The following PITPNM3 variants were observed in gnomAD, a reference collection of about 807,000 sequenced individuals.
PITPNM3 encodes the protein PITPNM family member 3, also known as membrane-associated phosphatidylinositol transfer protein 3.
A neutral mutation model predicts 102.0 loss-of-function variants in PITPNM3; 26 were observed. The ratio of observed to expected loss-of-function variants is 0.25; its 90% CI spans 0.19 to 0.35. PITPNM3 has a LOEUF of 0.35. Ranked by LOEUF, PITPNM3 falls within the 10% of genes least tolerant of loss-of-function variation. PITPNM3 has a pLI of 1.00. For missense variants in PITPNM3, 1,083 were observed against 1,346.1 expected (o/e 0.80, Z 3.06); for synonymous variants, 578 against 558.6 (o/e 1.03, Z -0.49).
At chr17:6,506,695 T>A (rs558177749) in intron 3 of PITPNM3, among the ~76,000 whole-genome samples, 30 of 152,160 alleles carry the variant, frequency 2.0e-4, no homozygotes, top group Non-Finnish European at 4.0e-4. Context: ...CTACTGTATT[T>A]CCTCATGCCC....
intron 4 of PITPNM3, among the ~76,000 whole-genome samples, chr17:6,498,353 G>C (rs1446982781): frequency 1.3e-5 from 2 of 152,242 alleles, no homozygotes; most frequent in Admixed American, 1.3e-4. Context: ...CTAGCCTGGG[G>C]AAACGGGAGA....
intron 2 of PITPNM3, among the ~76,000 whole-genome samples, chr17:6,533,202 T>C (rs1252641348): frequency 1.3e-5 from 2 of 152,080 alleles, no homozygotes; most frequent in Admixed American, 1.3e-4. Context: ...CCTCAGGTGA[T>C]CCACCCGCCT....
chr17:6,459,942 CCCT>C lies in PITPNM3; in HGVS notation c.2490+1428_2490+1430del, dbSNP rs1904366066. Among the ~76,000 whole-genome samples the C allele has an allele frequency of 6.6e-6, 1 of 152,092 alleles. No individual in the cohort carries two copies. Among genetic ancestry groups the C allele is most frequent in the African/African-American group, 2.4e-5 (1 of 41,424 alleles). On this transcript the variant is annotated intron_variant, in intron 18 of 19. Transcript: ENST00000262483. This position sits in a 1 kb window ranked among gnomAD's most constrained non-coding sequence, Gnocchi z 5.0. The stretch of plus-strand genomic sequence containing the variant: ...CCTGTCTTTTGCTTGGGCAACAGCC[CCCT>C]AACTGGCCTCCCTGCCTCCAGTTTC...
rs745364009 is a variant in PITPNM3, at chr17:6,461,523, G to A, written c.2340C>T (p.Tyr780=). Residue 780 remains tyrosine (Y), a synonymous_variant, in exon 18 of 20, where the codon TAC becomes TAT. Coordinates refer to ENST00000262483, the MANE Select transcript of PITPNM3 (RefSeq NM_031220.4). ...HWQDLGYMIL[Y]ITGRPDMQKQ... is the part of the protein sequence containing the mutation. ...TCTGCATGTCCGGCCGTCCCGTGAT[G>A]TAAAGGATCATGTAGCCCAAGTCCT... 3.1e-6 allele frequency: 5 copies of A among 1,614,248 alleles called. No homozygotes were observed. Among genetic ancestry groups the A allele is most frequent in the Middle Eastern group, 1.7e-4 (1 of 6,060 alleles).
At chr17:6,474,806 G>C (rs1214515658) in intron 9 of PITPNM3, among the ~76,000 whole-genome samples, 2 of 152,228 alleles carry the variant, frequency 1.3e-5, no homozygotes, top group African/African-American at 4.8e-5. Context: ...GGCTAGAAAA[G>C]GAATCAACAA....
At chr17:6,461,284 C>A in intron 18 of PITPNM3, 89 bp downstream of exon 18, 1 of 1,470,736 alleles carries the variant, frequency 6.8e-7, no homozygotes, top group South Asian at 1.1e-5. Context: ...CATCACAAGG[C>A]CCCACCCGGG....
At chr17:6,543,165 G>C (rs1178598924) in intron 1 of PITPNM3, among the ~76,000 whole-genome samples, 1 of 152,206 alleles carries the variant, frequency 6.6e-6, no homozygotes, top group Non-Finnish European at 1.5e-5. Context: ...CTCAGTGGGA[G>C]GGGCTGCTGG....
chr17:6,455,363 G>T lies in PITPNM3; in HGVS notation c.2900C>A (p.Pro967His). 6.3e-7 allele frequency: 1 copy of T among 1,583,728 alleles called. No homozygotes were observed. The highest frequency in any genetic ancestry group is 1.3e-5 in the African/African-American group (1 of 74,156). ...PLPALSWARG[P>H]PKFESVP ...TCAGGGCACCGACTCGAACTTGGGG[G>T]GCCCACGCGCCCAGCTGAGCGCCGG... The change falls in exon 20 of 20, where the codon CCC becomes CAC. Residue 967 changes from proline (P) to histidine (H), a missense_variant. This residue lies in a region of PITPNM3 where 208 missense variants were observed against 178.2 expected (regional missense o/e 1.17). Coordinates refer to ENST00000262483, the MANE Select transcript of PITPNM3 (RefSeq NM_031220.4).
rs757064850 is a variant in PITPNM3, at chr17:6,472,632, C to G, written c.1429+25G>C. 6.2e-7 allele frequency: 1 copy of G among 1,606,756 alleles called. No homozygotes were observed. The highest frequency in any genetic ancestry group is 1.1e-5 in the South Asian group (1 of 89,874). On this transcript the variant is annotated intron_variant, in intron 11 of 19. Coordinates refer to ENST00000262483, the MANE Select transcript of PITPNM3 (RefSeq NM_031220.4). The surrounding 1 kb of genome is among the most constrained non-coding windows in gnomAD (Gnocchi z 4.1). ...GGGGCCCCACCTCCAGCTCAGCACA[C>G]TCTCTCCCACCCCCAAGAACCTACC...
intron 4 of PITPNM3, among the ~76,000 whole-genome samples, chr17:6,492,003 A>T (rs1312475734): frequency 6.6e-6 from 1 of 151,416 alleles, no homozygotes; most frequent in African/African-American, 2.4e-5. Flanking sequence ...TTTTAGTTTA[A>T]AACTATTTAT....
In PITPNM3 at chr17:6,477,202, G is replaced by A. The variant is rs202233840; in HGVS notation, c.912C>T (p.Val304=). 22 of 1,613,920 alleles carry A rather than the reference G, an allele frequency of 1.4e-5. No homozygotes were observed. Among genetic ancestry groups the A allele is most frequent in the Non-Finnish European group, 1.7e-5 (20 of 1,179,984 alleles). ...GSISSTQDTP[V]AVEEDCSLAS... is the part of the protein sequence containing the mutation. ...CCAGGCTGCAATCTTCCTCCACCGCGACTGGGGTGTCCTTTGGGACCGAAC... is the reference window on the plus strand; with the variant it reads ...CCAGGCTGCAATCTTCCTCCACCGCAACTGGGGTGTCCTTTGGGACCGAAC... The change falls in exon 9 of 20, where the codon GTC becomes GTT. Residue 304 remains valine (V), a synonymous_variant. Transcript: ENST00000262483.
chr17:6,492,599 A>G (rs1906560898), intron 4 of PITPNM3, among the ~76,000 whole-genome samples: 1 of 152,106 alleles, frequency 6.6e-6, no homozygotes, highest in South Asian at 2.1e-4. Context: ...GCTCACACCT[A>G]TAATCCCAGC....
Position 6,478,476 on chromosome 17 carries a change from G to T in PITPNM3, c.777+71C>A, listed in dbSNP as rs139252197. On this transcript the variant is annotated intron_variant, in intron 7 of 19. Transcript: ENST00000262483. The surrounding 1 kb of genome is among the most constrained non-coding windows in gnomAD (Gnocchi z 4.4). ...CAGCCTGGCCTTGGCCCTTTCAGTA[G>T]ATTCCAGCCTCTCTCCCAGGCCGGG... 105 of 1,575,244 alleles carry T rather than the reference G, an allele frequency of 6.7e-5. 1 individual carries two copies. The East Asian group carries it at 2.3e-3, about 35-fold the overall frequency.
chr17:6,541,364 A>G (rs1326923307), intron 1 of PITPNM3, among the ~76,000 whole-genome samples: 1 of 151,060 alleles, frequency 6.6e-6, no homozygotes, highest in East Asian at 1.9e-4. Context: ...ACCGGGCAAA[A>G]TCCATGGATA....
intron 3 of PITPNM3, among the ~76,000 whole-genome samples, chr17:6,506,758 C>T (rs1907537057): frequency 6.6e-6 from 1 of 152,148 alleles, no homozygotes; most frequent in African/African-American, 2.4e-5. Flanking sequence ...GGTCCCTGCT[C>T]CTTAGCTTGG....
chr17:6,468,425 G>T lies in PITPNM3; in HGVS notation c.1774-84C>A. 1 of 1,358,574 alleles carries T rather than the reference G, an allele frequency of 7.4e-7. No individual in the cohort carries two copies. Among genetic ancestry groups the T allele is most frequent in the Non-Finnish European group, 1.1e-6 (1 of 951,474 alleles). 84.2% of individuals were successfully genotyped at this position (1,358,574 alleles called of 1,614,324 possible). A position where few individuals can be genotyped will look rare whatever the true frequency, so the allele number is the denominator to read the frequency against. On this transcript the variant is annotated intron_variant, in intron 13 of 19. Coordinates refer to ENST00000262483, the MANE Select transcript of PITPNM3 (RefSeq NM_031220.4). The surrounding 1 kb of genome is among the most constrained non-coding windows in gnomAD (Gnocchi z 5.2). ...AGGGTGTCAGTGCCCACCAGCTTGTGGCCAGCTGGGCCCTGCCCCTGCAAC... is the reference window on the plus strand; with the variant it reads ...AGGGTGTCAGTGCCCACCAGCTTGTTGCCAGCTGGGCCCTGCCCCTGCAAC...
At chr17:6,488,081 A>G (rs1348694448) in intron 4 of PITPNM3, among the ~76,000 whole-genome samples, 1 of 152,132 alleles carries the variant, frequency 6.6e-6, no homozygotes, top group African/African-American at 2.4e-5. Flanking sequence ...GCTTCCCCAC[A>G]GAAAGGCACA....
At chr17:6,499,738 TA>T (rs1907060180) in intron 4 of PITPNM3, among the ~76,000 whole-genome samples, 1 of 152,056 alleles carries the variant, frequency 6.6e-6, no homozygotes, top group Admixed American at 6.6e-5. Context: ...ATTTATATTT[TA>T]TTTTATTTCT....
intron 2 of PITPNM3, among the ~76,000 whole-genome samples, chr17:6,532,706 A>G: frequency 6.6e-6 from 1 of 152,028 alleles, no homozygotes; most frequent in East Asian, 1.9e-4. Context: ...TTGTTCACTC[A>G]CTGATGCTCA....
Sources: gnomAD v4.1 joint callset for allele counts (sites outside exome capture counted in the v4.1 genomes callset) on GRCh38, gnomAD v4.1.1 for gene constraint, gnomAD v4.1.1 regional missense constraint, Gnocchi (gnomAD v3.1) non-coding constraint, MANE v1.5 for transcripts, NCBI Gene and HGNC (gene_info 2026-07-23, HGNC 2026-07-21) for gene names.